COL21A1: variants seen among roughly 807,000 people sequenced by gnomAD.
COL21A1 encodes collagen alpha-1(XXI) chain.
Under a neutral mutation model 137.9 loss-of-function variants are expected in COL21A1, and 149 were observed. The ratio of observed to expected loss-of-function variants is 1.08; its 90% CI spans 0.95 to 1.24. The LOEUF (loss-of-function observed/expected upper bound fraction) is 1.24, where lower values mean the gene tolerates loss of function less well. COL21A1 is among the 50% of genes most tolerant of loss of function. COL21A1 has a pLI of 0.00. For missense variants in COL21A1, 1,167 were observed against 1,158.4 expected (o/e 1.01, Z -0.11); for synonymous variants, 456 against 391.5 (o/e 1.16, Z -1.95).
intron 14 of COL21A1, 96 bp downstream of exon 14, chr6:56,125,471 C>A: frequency 1.2e-6 from 1 of 807,464 alleles, no homozygotes. Flanking sequence ...ACAGAGCTAA[C>A]TGTTCTAATG....
At chr6:56,178,561 T>C (rs1237104846) in intron 3 of COL21A1, among the ~76,000 whole-genome samples, 1 of 152,084 alleles carries the variant, frequency 6.6e-6, no homozygotes, top group Non-Finnish European at 1.5e-5. Context: ...CCACCCACTT[T>C]GGGAGTTTTT....
At chr6:56,112,991 A>G (rs1249539463) in intron 16 of COL21A1, among the ~76,000 whole-genome samples, 2 of 152,138 alleles carry the variant, frequency 1.3e-5, no homozygotes, top group Non-Finnish European at 2.9e-5. Context: ...GCCCAGAGGA[A>G]GCATTTAAAC....
rs148830735 is a variant in COL21A1, at chr6:56,123,443, T to C, written c.1758+619A>G. Reference sequence around the variant, plus strand: ...ATTTGAACTGAATTTCTGAGCAACTTTGGGATTCAAAGAACTGACCGTTAG... The same window carrying C: ...ATTTGAACTGAATTTCTGAGCAACTCTGGGATTCAAAGAACTGACCGTTAG... On this transcript the variant is annotated intron_variant, in intron 16 of 29. Transcript: ENST00000244728. Among the ~76,000 whole-genome samples the C allele has an allele frequency of 3.7e-3, 565 of 152,272 alleles. 2 individuals are homozygous for C. The highest frequency in any genetic ancestry group is 0.012 in the African/African-American group (512 of 41,542).
intron 1 of COL21A1, among the ~76,000 whole-genome samples, chr6:56,208,397 C>A (rs1779936770): frequency 6.6e-6 from 1 of 151,990 alleles, no homozygotes; most frequent in African/African-American, 2.4e-5. Flanking sequence ...AAACAGAGAG[C>A]CAAATCATGT....
At chr6:56,085,624 T>C (rs572071060) in intron 17 of COL21A1, among the ~76,000 whole-genome samples, 3 of 152,164 alleles carry the variant, frequency 2.0e-5, no homozygotes, top group African/African-American at 7.2e-5. Context: ...TGTGTTCATA[T>C]TCCTCTTTTT....
chr6:56,133,541 T>G (rs1773738388), intron 12 of COL21A1, among the ~76,000 whole-genome samples: 1 of 152,220 alleles, frequency 6.6e-6, no homozygotes, highest in African/African-American at 2.4e-5. Flanking sequence ...TTAAGCCGGC[T>G]GCAGGAATTT....
chr6:56,366,608 G>A (rs1766106443), intron 1 of COL21A1, among the ~76,000 whole-genome samples: 1 of 152,140 alleles, frequency 6.6e-6, no homozygotes, highest in African/African-American at 2.4e-5. Flanking sequence ...GTGGAGCTCT[G>A]CCCCCTCTGT....
At chr6:56,061,509 T>C (rs1176820334) in intron 25 of COL21A1, 140 bp downstream of exon 25, 4 of 522,294 alleles carry the variant, frequency 7.7e-6, no homozygotes, top group Admixed American at 3.4e-5. Flanking sequence ...AAACAATTAA[T>C]TGGGAACTTC....
intron 16 of COL21A1, among the ~76,000 whole-genome samples, chr6:56,102,555 A>G (rs1464118076): frequency 6.6e-6 from 1 of 152,212 alleles, no homozygotes. Flanking sequence ...AAATAAGTTT[A>G]AGGGAGAAAG....
chr6:56,365,901 G>C (rs1232916790), intron 1 of COL21A1, among the ~76,000 whole-genome samples: 2 of 152,128 alleles, frequency 1.3e-5, no homozygotes, highest in Admixed American at 1.3e-4. Context: ...TATATGGAAG[G>C]ATTTTTTTAG....
chr6:56,363,781 C>A (rs1001258319), intron 1 of COL21A1, among the ~76,000 whole-genome samples: 2 of 37,298 alleles, frequency 5.4e-5, no homozygotes, highest in East Asian at 0.012. Context: ...CCCAAAATAC[C>A]CCCCGACACA....
At chr6:56,074,975 A>C in intron 19 of COL21A1, among the ~76,000 whole-genome samples, 1 of 109,560 alleles carries the variant, frequency 9.1e-6, no homozygotes, top group South Asian at 2.9e-4. Context: ...CAATAAAGTT[A>C]AAATTTGGGG....
At position 56,069,112 on chromosome 6, in the gene COL21A1, T is replaced by G. The variant is rs746496717; in HGVS notation, c.2025A>C (p.Glu675Asp). The change falls in exon 22 of 30, where the codon GAA (glutamate) becomes GAC (aspartate). Residue 675 changes from glutamate to aspartate, a missense_variant. Physicochemically the swap from Glu to Asp is conservative, Grantham distance 45. Transcript: ENST00000244728. ...GMPGASGLKG[E>D]PGATGSPGEP... ...CTCCTGGGGAACCCGTTGCTCCTGGTTCTCCCTATGTAACACAGAAATTCC... is the reference window on the plus strand; with the variant it reads ...CTCCTGGGGAACCCGTTGCTCCTGGGTCTCCCTATGTAACACAGAAATTCC... The G allele has an allele frequency of 6.3e-7, 1 of 1,597,190 alleles. No homozygotes were observed. Among genetic ancestry groups the G allele is most frequent in the East Asian group, 2.3e-5 (1 of 43,956 alleles).
At chr6:56,341,294 G>A (rs1352194036) in intron 1 of COL21A1, among the ~76,000 whole-genome samples, 1 of 152,042 alleles carries the variant, frequency 6.6e-6, no homozygotes, top group Non-Finnish European at 1.5e-5. Context: ...ATTTTGATAA[G>A]GTATGATGGA....
Position 56,170,794 on chromosome 6 carries a change from A to T in COL21A1, c.881T>A (p.Ile294Asn). 1.9e-6 allele frequency: 3 copies of T among 1,610,118 alleles called. No individual in the cohort carries two copies. Among genetic ancestry groups the T allele is most frequent in the Non-Finnish European group, 2.5e-6 (3 of 1,177,538 alleles). Residue 294 changes from isoleucine (I) to asparagine (N), a missense_variant, in exon 5 of 30, where the codon ATT becomes AAT. Ile to Asn is a moderately radical substitution (Grantham distance 149). Transcript: ENST00000244728. The stretch of plus-strand genomic sequence containing the variant: ...AGTTAATATTCTCCATAAATCCCAA[A>T]TTTTCTTGACTTTAAATCTTTGAGT... Reference protein sequence around the residue: ...VSTQRFKVKKIWDLWRILTID... With the variant: ...VSTQRFKVKKNWDLWRILTID...
chr6:56,173,588 A>T lies in COL21A1; in HGVS notation c.641-2460T>A, dbSNP rs888768131. Among the ~76,000 whole-genome samples, 6 of 152,290 alleles carry T rather than the reference A, an allele frequency of 3.9e-5. No individual in the cohort carries two copies. The South Asian group carries it at 1.0e-3, about 26-fold the overall frequency. On this transcript the variant is annotated intron_variant, in intron 3 of 29. Coordinates refer to ENST00000244728, the MANE Select transcript of COL21A1 (RefSeq NM_030820.4). ...GATGTCTATACTTATATCACACAGT[A>T]CAAAACTATAACAAGAGACAAAGAA...
rs1341505113 is a variant in COL21A1 at position 56,069,480 on chromosome 6, A to T, written c.2020-363T>A. Among the ~76,000 whole-genome samples, 4 of 151,016 alleles carry T rather than the reference A, an allele frequency of 2.6e-5. No homozygotes were observed. The South Asian group carries it at 6.2e-4, about 24-fold the overall frequency. On this transcript the variant is annotated intron_variant, in intron 21 of 29. Coordinates refer to ENST00000244728, the MANE Select transcript of COL21A1 (RefSeq NM_030820.4). ...TATTTACTAACACTTATTCTCCTTG[A>T]AACTGCTTTTTCTCAAATTGCTACT...
At chr6:56,137,987 T>A (rs1396259929) in intron 12 of COL21A1, among the ~76,000 whole-genome samples, 1 of 152,168 alleles carries the variant, frequency 6.6e-6, no homozygotes, top group African/African-American at 2.4e-5. Flanking sequence ...AGAGAATATT[T>A]AGGGAGGGCA....
At chr6:56,390,878 C>T (rs536985353) in intron 1 of COL21A1, among the ~76,000 whole-genome samples, 1 of 152,110 alleles carries the variant, frequency 6.6e-6, no homozygotes, top group South Asian at 2.1e-4. Context: ...TTGTTGGGAA[C>T]CTCAACCACC....
Sources: allele counts gnomAD v4.1 joint callset (sites outside exome capture counted in the v4.1 genomes callset), GRCh38; gene constraint gnomAD v4.1.1; transcripts MANE v1.5; gene names NCBI Gene and HGNC (gene_info 2026-07-23, HGNC 2026-07-21).